The following PLD3 variants were observed in gnomAD, a reference collection of about 807,000 sequenced individuals.
PLD3 encodes the protein 5'-3' exonuclease PLD3.
Under a neutral mutation model 58.4 loss-of-function variants are expected in PLD3, and 31 were observed. The ratio of observed to expected loss-of-function variants is 0.53; its 90% CI spans 0.40 to 0.72. The LOEUF (loss-of-function observed/expected upper bound fraction) is 0.72. PLD3 is among the 30% of genes least tolerant of loss of function. PLD3 has a pLI of 0.00. For missense variants in PLD3, 595 were observed against 659.8 expected, an observed-to-expected ratio of 0.90 and a Z score of 1.08; for synonymous variants, 264 against 273.4, an observed-to-expected ratio of 0.97 and a Z score of 0.34.
intron 1 of PLD3, chr19:40,360,600 AAAG>A (rs2078757985): frequency 6.6e-6 from 1 of 151,700 alleles, no homozygotes; most frequent in South Asian, 2.1e-4. Flanking sequence ...AAAAAAAAAA[AAAG>A]ACAACAAATT....
intron 9 of PLD3, 35 bp downstream of exon 9, chr19:40,371,908 A>T (rs772256343): frequency 6.5e-7 from 1 of 1,543,024 alleles, no homozygotes; most frequent in East Asian, 2.2e-5. Flanking sequence ...GTCATGTCCC[A>T]GCCCCATGCC....
chr19:40,368,714 GCAA>G (rs1472257495), intron 6 of PLD3, among the ~76,000 whole-genome samples: 1 of 152,018 alleles, frequency 6.6e-6, no homozygotes, highest in East Asian at 1.9e-4. Flanking sequence ...ACTAGCCTGA[GCAA>G]CATAGTGAGA....
intron 1 of PLD3, among the ~76,000 whole-genome samples, chr19:40,363,240 A>T (rs2078830475): frequency 6.6e-6 from 1 of 152,140 alleles, no homozygotes; most frequent in African/African-American, 2.4e-5. Context: ...CAATAAAAAT[A>T]TGTCTCACCA....
intron 1 of PLD3, among the ~76,000 whole-genome samples, chr19:40,364,161 C>T (rs1390719314): frequency 6.6e-6 from 1 of 151,248 alleles, no homozygotes; most frequent in African/African-American, 2.4e-5. Flanking sequence ...CGAGACCAGC[C>T]TGGCCAACTT....
intron 9 of PLD3, among the ~76,000 whole-genome samples, chr19:40,373,804 T>C (rs568746156): frequency 4.6e-5 from 7 of 151,924 alleles, no homozygotes; most frequent in African/African-American, 1.7e-4. Flanking sequence ...CTGGCCAACA[T>C]GGTGAAATCC....
intron 1 of PLD3, among the ~76,000 whole-genome samples, chr19:40,355,444 C>T (rs540211081): frequency 6.6e-5 from 10 of 151,710 alleles, no homozygotes; most frequent in Non-Finnish European, 1.3e-4. Context: ...TCCCAAGTAG[C>T]TGGGACTACA....
At chr19:40,352,593 T>C (rs980078305) in intron 1 of PLD3, among the ~76,000 whole-genome samples, 10 of 152,142 alleles carry the variant, frequency 6.6e-5, no homozygotes, top group African/African-American at 9.7e-5. Context: ...CTTAATTCCC[T>C]AAGTGGGATT....
Position 40,378,449 on chromosome 19 carries a change from G to T in PLD3, c.*276G>T. 1 of 560,156 alleles carries T rather than the reference G, an allele frequency of 1.8e-6. No homozygotes were observed. The highest frequency in any genetic ancestry group is 3.2e-6 in the Non-Finnish European group (1 of 311,792). The allele number at this position is 560,156 out of a possible 1,614,324, so 34.7% of individuals were successfully genotyped here. A position where few individuals can be genotyped will look rare whatever the true frequency, so the allele number is the denominator to read the frequency against. ...ACCCCCACTTTCCAGGGCAAAAAGG[G>T]CCCAGGGTTATAATAAGTAAATAAC... On this transcript the variant is annotated 3_prime_UTR_variant, in exon 13 of 13. Coordinates refer to ENST00000409735, the MANE Select transcript of PLD3 (RefSeq NM_012268.4).
chr19:40,370,171 C>T lies in PLD3; in HGVS notation c.612C>T (p.Phe204=). 1 of 1,614,056 alleles carries T rather than the reference C, an allele frequency of 6.2e-7. No homozygotes were observed. Among genetic ancestry groups the T allele is most frequent in the Non-Finnish European group, 8.5e-7 (1 of 1,179,982 alleles). The part of the protein sequence containing the change: ...KLTHGVLHTK[F]WVVDQTHFYL... Reference sequence around the variant, plus strand: ...CCCATGGCGTCCTGCATACCAAGTTCTGGGTGGTGGACCAGACCCACTTCT... The same window carrying T: ...CCCATGGCGTCCTGCATACCAAGTTTTGGGTGGTGGACCAGACCCACTTCT... Residue 204 remains phenylalanine (F), a synonymous_variant, in exon 8 of 13, where the codon TTC becomes TTT. Coordinates refer to ENST00000409735, the MANE Select transcript of PLD3 (RefSeq NM_012268.4).
intron 1 of PLD3, among the ~76,000 whole-genome samples, chr19:40,355,294 T>C (rs972764879): frequency 2.0e-5 from 3 of 151,720 alleles, no homozygotes; most frequent in Non-Finnish European, 2.9e-5. Flanking sequence ...TTTAAGAAGA[T>C]TTTTTTTCCT....
intron 1 of PLD3, among the ~76,000 whole-genome samples, chr19:40,355,080 A>G (rs8106335): frequency 0.31 from 46,340 of 147,568 alleles, 8,465 homozygotes; most frequent in African/African-American, 0.53. Flanking sequence ...CTCAAGTGAT[A>G]CACCCACCTC....
chr19:40,359,410 T>A (rs4802076), intron 1 of PLD3: 59,405 of 151,932 alleles, frequency 0.39, 14,210 homozygotes, highest in South Asian at 0.63. Context: ...CCAACCTGGA[T>A]GGGGCGCGCT....
chr19:40,376,516 G>T, intron 10 of PLD3, 93 bp from the exon 11 acceptor site: 1 of 1,260,594 alleles, frequency 7.9e-7, no homozygotes, highest in South Asian at 1.4e-5. Flanking sequence ...AGCTAAAGCA[G>T]GGCCCAGGCT....
chr19:40,361,727 T>G (rs11672825), intron 1 of PLD3, among the ~76,000 whole-genome samples: 55,561 of 151,950 alleles, frequency 0.37, 11,893 homozygotes, highest in South Asian at 0.54. Context: ...AGGCCTTTTC[T>G]GACCTCCTTA....
chr19:40,373,078 G>A (rs1276767203), intron 9 of PLD3, among the ~76,000 whole-genome samples: 1 of 152,136 alleles, frequency 6.6e-6, no homozygotes, highest in Admixed American at 6.5e-5. Context: ...GTTGAGGCAG[G>A]CAACCCAGGT....
chr19:40,367,435 A>G (rs11083555), intron 5 of PLD3: 186,499 of 370,172 alleles, frequency 0.5, 48,655 homozygotes, highest in South Asian at 0.64. Context: ...AAAAAAAGTA[A>G]CCAGGCATAC....
chr19:40,377,675 G>C, intron 11 of PLD3, 111 bp from the exon 12 acceptor site: 2 of 755,772 alleles, frequency 2.6e-6, no homozygotes, highest in Non-Finnish European at 2.3e-6. Context: ...AGGATTCTGT[G>C]GGAAGCAGTG....
chr19:40,366,467 C>A lies in PLD3; in HGVS notation c.-17C>A, dbSNP rs769060160. The A allele has an allele frequency of 2.5e-6, 4 of 1,613,662 alleles. No individual in the cohort carries two copies. The highest frequency in any genetic ancestry group is 2.7e-5 in the African/African-American group (2 of 74,882). On this transcript the variant is annotated 5_prime_UTR_variant, in exon 3 of 13. Coordinates refer to ENST00000409735, the MANE Select transcript of PLD3 (RefSeq NM_012268.4). ...CTTCTCACCTGGGCTCTGCGTATCC[C>A]CCAGCCTTGAGGGAAGATGAAGCCT...
At chr19:40,351,279 C>T (rs1159701092) in intron 1 of PLD3, among the ~76,000 whole-genome samples, 1 of 151,488 alleles carries the variant, frequency 6.6e-6, no homozygotes, top group African/African-American at 2.4e-5. Context: ...CGTAGTGGCT[C>T]ATGCCTATAA....
Sources: allele counts gnomAD v4.1 joint callset (sites outside exome capture counted in the v4.1 genomes callset), GRCh38; gene constraint gnomAD v4.1.1; transcripts MANE v1.5; gene names NCBI Gene and HGNC (gene_info 2026-07-23, HGNC 2026-07-21).